Variants in LLGL2 observed in about 807,000 individuals in gnomAD.
The protein encoded by LLGL2 is LLGL scribble cell polarity complex component 2.
In LLGL2, 81 loss-of-function variants were observed where a neutral mutation model predicts 123.2. The observed-to-expected ratio is 0.66, with a 90% CI of 0.55 to 0.79. The LOEUF (loss-of-function observed/expected upper bound fraction) is 0.79. LLGL2 is among the 30% of genes least tolerant of loss of function. The pLI, the probability that LLGL2 is intolerant of heterozygous loss-of-function variation, is 0.00. For synonymous variants in LLGL2, 577 were observed against 594.1 expected (o/e 0.97, Z 0.42); for missense variants, 1,273 against 1,414.6 (o/e 0.90, Z 1.61).
At chr17:75,567,638 C>CAA (rs929414669) in intron 10 of LLGL2, among the ~76,000 whole-genome samples, 1 of 142,836 alleles carries the variant, frequency 7.0e-6, no homozygotes, top group Non-Finnish European at 1.5e-5. Context: ...GACTCCATCT[C>CAA]AAAAAAAAAA....
chr17:75,570,733 T>C (rs955538150), intron 16 of LLGL2, among the ~76,000 whole-genome samples: 1 of 152,186 alleles, frequency 6.6e-6, no homozygotes. Flanking sequence ...CAGTAAACGT[T>C]AGTGATTTCC....
chr17:75,564,298 C>T lies in LLGL2; in HGVS notation c.882-55C>T. On this transcript the variant is annotated intron_variant, in intron 9 of 25. Coordinates refer to ENST00000392550, the MANE Select transcript of LLGL2 (RefSeq NM_001031803.2). The surrounding 1 kb of genome is among the most constrained non-coding windows in gnomAD (Gnocchi z 4.9). Reference sequence around the variant, plus strand: ...GGTGACTTTGATTGCCGGCCTGTGGCTGTTGAGGCTGTGCCAGGAGCCCCA... The same window carrying T: ...GGTGACTTTGATTGCCGGCCTGTGGTTGTTGAGGCTGTGCCAGGAGCCCCA... The T allele has an allele frequency of 3.9e-6, 6 of 1,555,298 alleles. No individual in the cohort carries two copies. Among genetic ancestry groups the T allele is most frequent in the South Asian group, 2.4e-5 (2 of 83,326 alleles).
At chr17:75,554,271 C>T (rs2147319571) in intron 2 of LLGL2, among the ~76,000 whole-genome samples, 1 of 138,946 alleles carries the variant, frequency 7.2e-6, no homozygotes, top group South Asian at 2.2e-4. Context: ...CATTGCACTC[C>T]AGGCTGGGTG....
intron 2 of LLGL2, among the ~76,000 whole-genome samples, chr17:75,555,523 A>T (rs1206445628): frequency 6.6e-6 from 1 of 152,210 alleles, no homozygotes; most frequent in African/African-American, 2.4e-5. Flanking sequence ...TGGTGACAGT[A>T]AGAGTCTGTG....
At chr17:75,569,361 G>T (rs2055590257) in intron 14 of LLGL2, 36 bp downstream of exon 14, 1 of 1,546,742 alleles carries the variant, frequency 6.5e-7, no homozygotes, top group Non-Finnish European at 8.9e-7. Flanking sequence ...AGCTGGGGAG[G>T]AGTGGTCGAT....
intron 2 of LLGL2, among the ~76,000 whole-genome samples, chr17:75,545,650 C>A (rs768684459): frequency 6.6e-6 from 1 of 152,320 alleles, no homozygotes; most frequent in East Asian, 1.9e-4. Context: ...TGATCTGACC[C>A]TGCGGCTCCA....
At chr17:75,540,381 T>C (rs1331256475) in intron 1 of LLGL2, among the ~76,000 whole-genome samples, 2 of 152,112 alleles carry the variant, frequency 1.3e-5, no homozygotes, top group African/African-American at 4.8e-5. Context: ...GTGGGTTGAT[T>C]GGAGTGAGGG....
chr17:75,544,398 G>A lies in LLGL2; in HGVS notation c.75+897G>A, dbSNP rs973183136. 1.3e-5 allele frequency among the ~76,000 whole-genome samples: 2 copies of A among 152,230 alleles called. No individual in the cohort carries two copies. Among genetic ancestry groups the A allele is most frequent in the Admixed American group, 6.5e-5 (1 of 15,276 alleles). ...CCCCTGCCCCCGAAAGGAAGCAGTG[G>A]ATGTGAGACCAGACAGTCTGGAAAA... On this transcript the variant is annotated intron_variant, in intron 2 of 25. Coordinates refer to ENST00000392550, the MANE Select transcript of LLGL2 (RefSeq NM_001031803.2). This position sits in a 1 kb window ranked among gnomAD's most constrained non-coding sequence, Gnocchi z 4.2.
At chr17:75,552,557 A>AT (rs1439305615) in intron 2 of LLGL2, among the ~76,000 whole-genome samples, 1 of 151,960 alleles carries the variant, frequency 6.6e-6, no homozygotes, top group Non-Finnish European at 1.5e-5. Context: ...TACTAATGAG[A>AT]TTTTTTCAGT....
intron 22 of LLGL2, 47 bp from the exon 23 acceptor site, chr17:75,574,166 C>CGAG (rs946640284): frequency 6.6e-7 from 1 of 1,518,536 alleles, no homozygotes; most frequent in African/African-American, 1.4e-5. Context: ...AGAGCCAGGC[C>CGAG]GAGGAGGGCC....
chr17:75,573,656 T>TTCCCCCCCCCCCCCCCC, intron 21 of LLGL2, 25 bp downstream of exon 21: 2 of 1,429,138 alleles, frequency 1.4e-6, no homozygotes, highest in South Asian at 1.2e-5. Context: ...CAGAGGCCTC[T>TTCCCCCCCCCCCCCCCC]CCCGCCCCTC....
chr17:75,530,648 T>A (rs57400426), intron 1 of LLGL2, among the ~76,000 whole-genome samples: 2 of 32,818 alleles, frequency 6.1e-5, no homozygotes, highest in African/African-American at 1.1e-4. Context: ...AGACTCCATT[T>A]CAAAAAAAAA....
In LLGL2 at chr17:75,570,454, C is replaced by T. The variant is rs972565705; in HGVS notation, c.1981C>T (p.Arg661Trp). 1.4e-5 allele frequency: 23 copies of T among 1,594,734 alleles called. No individual in the cohort carries two copies. The highest frequency in any genetic ancestry group is 7.0e-5 in the Admixed American group (4 of 57,186). Reference protein sequence around the residue: ...RQSFRRMRRSRVSSRKRHPAG... With the variant: ...RQSFRRMRRSWVSSRKRHPAG... Reference sequence around the variant, plus strand: ...GTCATTCCGCCGGATGCGTCGGAGCCGGGTGTCCAGCCGGAAGCGGCACCC... The same window carrying T: ...GTCATTCCGCCGGATGCGTCGGAGCTGGGTGTCCAGCCGGAAGCGGCACCC... The change falls in exon 16 of 26, where the codon CGG becomes TGG. Residue 661 changes from arginine to tryptophan, a missense_variant. Transcript: ENST00000392550.
At chr17:75,567,332 T>C (rs35093418) in intron 10 of LLGL2, among the ~76,000 whole-genome samples, 73,694 of 151,876 alleles carry the variant, frequency 0.49, 21,346 homozygotes, top group African/African-American at 0.83. Flanking sequence ...GCATTGGTGG[T>C]ATGTGCCTGT....
chr17:75,528,860 TAGAG>T (rs1285472261), intron 1 of LLGL2, among the ~76,000 whole-genome samples: 4 of 151,766 alleles, frequency 2.6e-5, no homozygotes, highest in Admixed American at 6.6e-5. Context: ...AGTGTAAAAT[TAGAG>T]AGCAAAAAAT....
At chr17:75,536,034 G>A (rs1018690166) in intron 1 of LLGL2, among the ~76,000 whole-genome samples, 4 of 152,204 alleles carry the variant, frequency 2.6e-5, no homozygotes, top group Admixed American at 6.5e-5. Flanking sequence ...AGCCTTTTGC[G>A]GCCCGGCTCT....
rs774932901 is a variant in LLGL2 at position 75,568,507 on chromosome 17, G to A, written c.1068G>A (p.Leu356=). 3.1e-6 allele frequency: 5 copies of A among 1,613,280 alleles called. No homozygotes were observed. The East Asian group carries it at 1.1e-4, about 36-fold the overall frequency. Residue 356 remains leucine, a synonymous_variant, in exon 11 of 26, where the codon CTG becomes CTA. Transcript: ENST00000392550. The part of the protein sequence containing the change: ...TFDDPYALVV[L]AEEELVVIDL... Reference sequence around the variant, plus strand: ...ACGACCCCTATGCCCTGGTGGTGCTGGCTGAGGAGGAGCTGGTGGTGATTG... The same window carrying A: ...ACGACCCCTATGCCCTGGTGGTGCTAGCTGAGGAGGAGCTGGTGGTGATTG...
intron 1 of LLGL2, among the ~76,000 whole-genome samples, chr17:75,535,992 G>A (rs1239234760): frequency 6.6e-6 from 1 of 152,210 alleles, no homozygotes; most frequent in African/African-American, 2.4e-5. Context: ...GACTTGGGTA[G>A]AAAGTGGATG....
At chr17:75,565,376 C>T (rs1295211594) in intron 10 of LLGL2, among the ~76,000 whole-genome samples, 1 of 152,196 alleles carries the variant, frequency 6.6e-6, no homozygotes, top group Non-Finnish European at 1.5e-5. Context: ...GGTGAGGGGG[C>T]GGGGCTGTTC....
Sources: allele counts gnomAD v4.1 joint callset (sites outside exome capture counted in the v4.1 genomes callset), GRCh38; gene constraint gnomAD v4.1.1; non-coding constraint Gnocchi (gnomAD v3.1); transcripts MANE v1.5; gene names NCBI Gene and HGNC (gene_info 2026-07-23, HGNC 2026-07-21).